Variants in TRIM2 observed in about 807,000 individuals in gnomAD.
TRIM2 encodes the protein tripartite motif-containing protein 2.
TRIM2 carries 20 observed loss-of-function variants against 75.2 expected under a neutral mutation model. The observed-to-expected ratio is 0.27, with a 90% CI of 0.19 to 0.39. TRIM2 has a LOEUF of 0.39. Among genes scored for constraint, TRIM2 ranks in the 10% least tolerant of loss-of-function variants. TRIM2 has a pLI of 1.00. For missense variants in TRIM2, 660 were observed against 990.8 expected (o/e 0.67, Z 4.48); for synonymous variants, 373 against 388.3 (o/e 0.96, Z 0.46).
At position 153,328,996 on chromosome 4, in the gene TRIM2, T is replaced by C. The variant is rs1443901864; in HGVS notation, c.2163+326T>C. On this transcript the variant is annotated intron_variant, in intron 11 of 11. Transcript: ENST00000338700. Reference sequence around the variant, plus strand: ...TGAAAATTATCATTTCCCTTAATCATGAATATAAGCAACAATCATAGTAAT... The same window carrying C: ...TGAAAATTATCATTTCCCTTAATCACGAATATAAGCAACAATCATAGTAAT... 2.0e-5 allele frequency among the ~76,000 whole-genome samples: 3 copies of C among 152,344 alleles called. No individual in the cohort carries two copies. The East Asian group carries it at 5.8e-4, about 29-fold the overall frequency.
chr4:153,193,277 G>A (rs1202815263), intron 1 of TRIM2, among the ~76,000 whole-genome samples: 3 of 151,634 alleles, frequency 2.0e-5, no homozygotes, highest in African/African-American at 4.9e-5. Flanking sequence ...GACTACAGGT[G>A]CCTGCCACCA....
At chr4:153,199,940 A>ATTTTT (rs34958420), upstream of TRIM2, among the ~76,000 whole-genome samples, 2 of 122,190 alleles carry the variant, frequency 1.6e-5, no homozygotes, top group East Asian at 2.3e-4. Context: ...TGGCCAGCTA[A>ATTTTT]TTTTTTTTTT....
intron 1 of TRIM2, among the ~76,000 whole-genome samples, chr4:153,180,843 C>T (rs1731984257): frequency 2.6e-5 from 4 of 152,204 alleles, no homozygotes; most frequent in Admixed American, 2.6e-4. Context: ...CTCCTGTGGG[C>T]ATCCCACAGA....
chr4:153,319,746 A>G (rs1464890043), intron 8 of TRIM2, among the ~76,000 whole-genome samples: 2 of 151,716 alleles, frequency 1.3e-5, no homozygotes, highest in African/African-American at 2.4e-5. Flanking sequence ...AAAAATATAT[A>G]TATATATTTT....
At chr4:153,209,278 C>A (rs1736293391) in intron 1 of TRIM2, among the ~76,000 whole-genome samples, 1 of 152,210 alleles carries the variant, frequency 6.6e-6, no homozygotes, top group South Asian at 2.1e-4. Flanking sequence ...GACACTCACA[C>A]CACCTCCCAC....
At chr4:153,262,654 A>T (rs1240485621) in intron 1 of TRIM2, among the ~76,000 whole-genome samples, 2 of 152,194 alleles carry the variant, frequency 1.3e-5, no homozygotes, top group Non-Finnish European at 2.9e-5. Context: ...ACTGAACCAT[A>T]ATTCTAACCT....
intron 1 of TRIM2, among the ~76,000 whole-genome samples, chr4:153,244,340 T>C (rs1212538164): frequency 4.4e-4 from 14 of 31,548 alleles, no homozygotes; most frequent in African/African-American, 1.7e-3. Flanking sequence ...CTTCTTCTTC[T>C]TCTTCTTCTT....
chr4:153,244,429 C>CTTCTTCTTTCTTCT (rs1560875784), intron 1 of TRIM2, among the ~76,000 whole-genome samples: 1 of 96,034 alleles, frequency 1.0e-5, no homozygotes, highest in Non-Finnish European at 2.1e-5. Context: ...TCTTCTTCTT[C>CTTCTTCTTTCTTCT]TTCTTCTTTT....
At chr4:153,266,053 A>G (rs1368333091) in intron 1 of TRIM2, among the ~76,000 whole-genome samples, 1 of 152,242 alleles carries the variant, frequency 6.6e-6, no homozygotes, top group Non-Finnish European at 1.5e-5. Context: ...AGTCTAGCAG[A>G]TAATGGTGGC....
upstream of TRIM2, among the ~76,000 whole-genome samples, chr4:153,201,368 A>G (rs185415355): frequency 2.0e-4 from 31 of 152,092 alleles, no homozygotes; most frequent in Non-Finnish European, 2.5e-4. Context: ...TCTATTTAAG[A>G]CCTTTGCCCA....
chr4:153,272,974 G>A (rs964461515), intron 2 of TRIM2, among the ~76,000 whole-genome samples: 2 of 152,238 alleles, frequency 1.3e-5, no homozygotes, highest in South Asian at 4.1e-4. Flanking sequence ...GAGTAGCTGG[G>A]ACTACAGGCA....
At chr4:153,154,614 A>G (rs1729051238) in intron 1 of TRIM2, among the ~76,000 whole-genome samples, 1 of 152,258 alleles carries the variant, frequency 6.6e-6, no homozygotes, top group Non-Finnish European at 1.5e-5. Flanking sequence ...GAGCAAGTAG[A>G]AAAGACAGAA....
intron 1 of TRIM2, among the ~76,000 whole-genome samples, chr4:153,245,040 A>G (rs1036522492): frequency 3.9e-5 from 6 of 151,978 alleles, no homozygotes; most frequent in African/African-American, 1.5e-4. Context: ...GGGGCTTGTG[A>G]CCCTCTGAGA....
intron 1 of TRIM2, among the ~76,000 whole-genome samples, chr4:153,261,666 C>T (rs1753620439): frequency 6.6e-6 from 1 of 152,128 alleles, no homozygotes; most frequent in African/African-American, 2.4e-5. Flanking sequence ...AAGATTTTGC[C>T]AGCTCCCTCC....
chr4:153,232,630 G>A (rs988679665), intron 1 of TRIM2, among the ~76,000 whole-genome samples: 1 of 152,156 alleles, frequency 6.6e-6, no homozygotes, highest in African/African-American at 2.4e-5. Flanking sequence ...AGGAAGGGAG[G>A]GAACTAGAGG....
In TRIM2 at chr4:153,336,179, G is replaced by A; in HGVS notation, c.*1213G>A. ...CTGAATCTTTGGTGTATTGAAATAGGCAGCACTCTGAAAGACAGAAGCTTC... is the reference window on the plus strand; with the variant it reads ...CTGAATCTTTGGTGTATTGAAATAGACAGCACTCTGAAAGACAGAAGCTTC... On this transcript the variant is annotated 3_prime_UTR_variant, in exon 12 of 12. Coordinates refer to ENST00000338700, the MANE Select transcript of TRIM2 (RefSeq NM_015271.5). 6 of 984,136 alleles carry A rather than the reference G, an allele frequency of 6.1e-6. No homozygotes were observed. The highest frequency in any genetic ancestry group is 7.2e-6 in the Non-Finnish European group (6 of 829,658). The allele number at this position is 984,136 out of a possible 1,614,324, so 61.0% of individuals were successfully genotyped here.
At position 153,337,385 on chromosome 4, in the gene TRIM2, A is replaced by G. The variant is rs2149614401; in HGVS notation, c.*2419A>G. The G allele has an allele frequency of 2.0e-6, 2 of 985,882 alleles. No individual in the cohort carries two copies. The highest frequency in any genetic ancestry group is 2.4e-6 in the Non-Finnish European group (2 of 829,936). The allele number at this position is 985,882 out of a possible 1,614,324, so 61.1% of individuals were successfully genotyped here. On this transcript the variant is annotated 3_prime_UTR_variant, in exon 12 of 12. Coordinates refer to ENST00000338700, the MANE Select transcript of TRIM2 (RefSeq NM_015271.5). The stretch of plus-strand genomic sequence containing the variant: ...GATATCTCAATAGTAGACTGAATAC[A>G]AAGCTAATTTTTTTTACATGTCAAT...
rs1762633854 is a variant in TRIM2 at position 153,295,721 on chromosome 4, C to A, written c.1195C>A (p.Pro399Thr). 6.2e-7 allele frequency: 1 copy of A among 1,613,796 alleles called. No homozygotes were observed. The change falls in exon 6 of 12, where the codon CCC becomes ACC. Residue 399 changes from proline (P) to threonine (T), a missense_variant. By Grantham distance (38) the Pro-to-Thr change is conservative. This residue lies in a region of TRIM2 where 620 missense variants were observed against 891.0 expected (regional missense o/e 0.70). Coordinates refer to ENST00000338700, the MANE Select transcript of TRIM2 (RefSeq NM_015271.5). This position sits in a 1 kb window ranked among gnomAD's most constrained non-coding sequence, Gnocchi z 7.2. ...NAYLTAELSTPDGSVADGEIL... is the reference protein window; with the variant it reads ...NAYLTAELSTTDGSVADGEIL... ...CTACCTCACCGCCGAACTGAGCACC[C>A]CCGACGGGAGCGTGGCAGACGGGGA...
rs77904524 is a variant in TRIM2, at chr4:153,306,880, G to A, written c.1511-8605G>A. ...CCCTGCCAAGAGCCATATTACTAGG[G>A]CAACATATAATTATCCTTACTGTTG... On this transcript the variant is annotated intron_variant, in intron 6 of 11. Coordinates refer to ENST00000338700, the MANE Select transcript of TRIM2 (RefSeq NM_015271.5). Among the ~76,000 whole-genome samples the A allele has an allele frequency of 6.8e-3, 1,033 of 152,326 alleles. 13 individuals are homozygous for A. The highest frequency in any genetic ancestry group is 0.023 in the African/African-American group (974 of 41,578).
Sources: gnomAD v4.1 joint callset for allele counts (sites outside exome capture counted in the v4.1 genomes callset) on GRCh38, gnomAD v4.1.1 for gene constraint, gnomAD v4.1.1 regional missense constraint, Gnocchi (gnomAD v3.1) non-coding constraint, MANE v1.5 for transcripts, NCBI Gene and HGNC (gene_info 2026-07-23, HGNC 2026-07-21) for gene names.